CACNA1C: variants seen among roughly 807,000 people sequenced by gnomAD.
CACNA1C encodes the protein calcium voltage-gated channel subunit alpha1 C.
In CACNA1C, 30 loss-of-function variants were observed where a neutral mutation model predicts 229.0. The ratio of observed to expected loss-of-function variants is 0.13; its 90% confidence interval spans 0.10 to 0.18. The LOEUF (loss-of-function observed/expected upper bound fraction) is 0.18. Ranked by LOEUF, CACNA1C falls within the 10% of genes least tolerant of loss-of-function variation. The pLI, the probability that CACNA1C is intolerant of heterozygous loss-of-function variation, is 1.00. For missense variants in CACNA1C, 1,658 were observed against 2,845.0 expected, an observed-to-expected ratio of 0.58 and a Z score of 9.49; for synonymous variants, 1,114 against 1,132.5, an observed-to-expected ratio of 0.98 and a Z score of 0.33.
intron 8 of CACNA1C, among the ~76,000 whole-genome samples, chr12:2,506,693 C>T (rs971577812): frequency 3.9e-5 from 6 of 152,188 alleles, no homozygotes; most frequent in Non-Finnish European, 7.3e-5. Flanking sequence ...AACGTCACTT[C>T]CCTGGTAAGT....
intron 19 of CACNA1C, among the ~76,000 whole-genome samples, chr12:2,594,173 G>T (rs542162166): frequency 6.6e-6 from 1 of 152,302 alleles, no homozygotes; most frequent in Non-Finnish European, 1.5e-5. Flanking sequence ...TCAAGGTGTG[G>T]ATTTCTTTCC....
chr12:2,120,609 T>C (rs567774241), intron 3 of CACNA1C, among the ~76,000 whole-genome samples, 179 bp downstream of exon 3: 1 of 152,002 alleles, frequency 6.6e-6, no homozygotes, highest in East Asian at 1.9e-4. Context: ...CCTGTCTCAT[T>C]CCGGCCTGTT....
In CACNA1C at chr12:2,695,953, G is replaced by T. The variant is rs1030329900; in HGVS notation, c.*4754G>T. The T allele has an allele frequency of 1.3e-5, 2 of 152,286 alleles. No homozygotes were observed. Among genetic ancestry groups the T allele is most frequent in the African/African-American group, 4.8e-5 (2 of 41,434 alleles). 9.4% of individuals were successfully genotyped at this position (152,286 alleles called of 1,614,324 possible). On this transcript the variant is annotated 3_prime_UTR_variant, in exon 47 of 47. Coordinates refer to ENST00000399655, the MANE Select transcript of CACNA1C (RefSeq NM_000719.7). ...CAAGGGCTGGGGTTGAGCTCTAGATGAGGGACTTTCCTGCTCCTGCAAGGG... is the reference window on the plus strand; with the variant it reads ...CAAGGGCTGGGGTTGAGCTCTAGATTAGGGACTTTCCTGCTCCTGCAAGGG...
rs143547718 is a variant in CACNA1C, at chr12:2,038,987, A to G, written c.139+67786A>G. Among the ~76,000 whole-genome samples the G allele has an allele frequency of 4.2e-3, 645 of 152,320 alleles. 3 individuals carry two copies. The highest frequency in any genetic ancestry group is 7.7e-3 in the Non-Finnish European group (522 of 68,024). On this transcript the variant is annotated intron_variant, in intron 1 of 46. Coordinates refer to the CACNA1C transcript ENST00000682462. ...TAAATCCAGGTGTTACAAATGGGACACTGTTAAATGCAAGGATTGCAAATG... is the reference window on the plus strand; with the variant it reads ...TAAATCCAGGTGTTACAAATGGGACGCTGTTAAATGCAAGGATTGCAAATG...
At chr12:2,019,310 A>T (rs988546724) in intron 1 of CACNA1C, among the ~76,000 whole-genome samples, 12 of 152,056 alleles carry the variant, frequency 7.9e-5, no homozygotes, top group Non-Finnish European at 1.5e-4. Flanking sequence ...AAAAATTTTT[A>T]AAAAGTAGCT....
chr12:2,009,820 A>C (rs966889876), intron 1 of CACNA1C, among the ~76,000 whole-genome samples: 6 of 152,178 alleles, frequency 3.9e-5, no homozygotes, highest in African/African-American at 7.2e-5. Context: ...GGAAAGGGAA[A>C]CTAGTTTCAC....
chr12:2,332,790 C>A (rs1417037975), intron 3 of CACNA1C, among the ~76,000 whole-genome samples: 1 of 152,130 alleles, frequency 6.6e-6, no homozygotes, highest in East Asian at 1.9e-4. Context: ...AATGTACATG[C>A]AGTAGAATCT....
chr12:2,091,492 C>T (rs2070961800), intron 1 of CACNA1C, among the ~76,000 whole-genome samples: 1 of 152,208 alleles, frequency 6.6e-6, no homozygotes, highest in African/African-American at 2.4e-5. Flanking sequence ...CTAGAGAATG[C>T]CCACATTCCT....
chr12:2,262,500 T>C (rs1053009451), intron 3 of CACNA1C, among the ~76,000 whole-genome samples: 1 of 152,206 alleles, frequency 6.6e-6, no homozygotes, highest in Non-Finnish European at 1.5e-5. Flanking sequence ...AGACGGTGTC[T>C]TCAGCATCTG....
chr12:2,501,209 CA>C (rs59324696), intron 7 of CACNA1C, among the ~76,000 whole-genome samples: 1,101 of 31,326 alleles, frequency 0.035, 2 homozygotes, highest in Middle Eastern at 0.059. Context: ...GACTCCACCT[CA>C]AAAAAAAAAA....
intron 3 of CACNA1C, among the ~76,000 whole-genome samples, chr12:2,289,537 A>G (rs1440250376): frequency 6.6e-6 from 1 of 152,152 alleles, no homozygotes; most frequent in African/African-American, 2.4e-5. Flanking sequence ...AGATTTGTAC[A>G]GTGGAAATTC....
chr12:2,259,655 T>A (rs73033378), intron 3 of CACNA1C, among the ~76,000 whole-genome samples: 10,168 of 152,300 alleles, frequency 0.067, 492 homozygotes, highest in Non-Finnish European at 0.1. Context: ...GATCTAAGTG[T>A]GTAGCTTTCT....
chr12:2,177,270 C>G (rs934202795), intron 3 of CACNA1C, among the ~76,000 whole-genome samples: 2 of 152,160 alleles, frequency 1.3e-5, no homozygotes, highest in Admixed American at 6.5e-5. Flanking sequence ...GGTAGCTGCT[C>G]CCGTTGTTCG....
At chr12:2,370,502 A>G (rs1007611639) in intron 3 of CACNA1C, among the ~76,000 whole-genome samples, 2 of 152,230 alleles carry the variant, frequency 1.3e-5, no homozygotes, top group African/African-American at 4.8e-5. Context: ...TGAGCTAATA[A>G]AACTTATGTT....
At chr12:2,420,333 G>C (rs1006816031) in intron 3 of CACNA1C, among the ~76,000 whole-genome samples, 1 of 152,126 alleles carries the variant, frequency 6.6e-6, no homozygotes, top group Non-Finnish European at 1.5e-5. Context: ...GATGCCACCA[G>C]GCTTTCACCC....
At chr12:2,506,878 TG>T (rs1179898397) in intron 8 of CACNA1C, among the ~76,000 whole-genome samples, 1 of 149,846 alleles carries the variant, frequency 6.7e-6, no homozygotes, top group Non-Finnish European at 1.5e-5. Flanking sequence ...GAGCCTGAAG[TG>T]GAGAATGAGG....
Position 2,152,943 on chromosome 12 carries a change from T to G in CACNA1C, c.477+32513T>G, listed in dbSNP as rs1173187005. Among the ~76,000 whole-genome samples, 1 of 152,124 alleles carries G rather than the reference T, an allele frequency of 6.6e-6. No individual in the cohort carries two copies. Among genetic ancestry groups the G allele is most frequent in the Non-Finnish European group, 1.5e-5 (1 of 68,022 alleles). On this transcript the variant is annotated intron_variant, in intron 3 of 46. Coordinates refer to ENST00000399655, the MANE Select transcript of CACNA1C (RefSeq NM_000719.7). The surrounding 1 kb of genome is among the most constrained non-coding windows in gnomAD (Gnocchi z 4.2). ...GGATTCTCCTAGAGATTGGGAATGG[T>G]GGCAGAAAAATTAAAATTGGGAGGT...
At chr12:2,139,790 G>T (rs781584702) in intron 3 of CACNA1C, among the ~76,000 whole-genome samples, 1 of 151,204 alleles carries the variant, frequency 6.6e-6, no homozygotes, top group Non-Finnish European at 1.5e-5. Context: ...TCAGACATGC[G>T]CCCTAAAGAT....
intron 3 of CACNA1C, among the ~76,000 whole-genome samples, chr12:2,381,901 A>C (rs1461499282): frequency 1.3e-5 from 2 of 152,236 alleles, no homozygotes; most frequent in Non-Finnish European, 1.5e-5. Context: ...AACAACTCTG[A>C]GAATCAGAAC....
Sources: gnomAD v4.1 joint callset for allele counts (sites outside exome capture counted in the v4.1 genomes callset) on GRCh38, gnomAD v4.1.1 for gene constraint, Gnocchi (gnomAD v3.1) non-coding constraint, MANE v1.5 for transcripts, NCBI Gene and HGNC (gene_info 2026-07-23, HGNC 2026-07-21) for gene names.